Variants in LRRC8D observed in about 807,000 individuals in gnomAD.
The protein encoded by LRRC8D is volume-regulated anion channel subunit LRRC8D.
LRRC8D carries 20 observed loss-of-function variants against 55.8 expected under a neutral mutation model. The observed-to-expected ratio is 0.36, with a 90% CI of 0.25 to 0.52. The LOEUF (loss-of-function observed/expected upper bound fraction) is 0.52. Among genes scored for constraint, LRRC8D ranks in the 20% least tolerant of loss-of-function variants. The pLI is 0.93. For synonymous variants in LRRC8D, 352 were observed against 377.0 expected, an observed-to-expected ratio of 0.93 and a Z score of 0.77; for missense variants, 651 against 1,030.8, an observed-to-expected ratio of 0.63 and a Z score of 5.05.
chr1:89,859,980 G>A (rs917445614), intron 2 of LRRC8D, among the ~76,000 whole-genome samples: 1 of 152,220 alleles, frequency 6.6e-6, no homozygotes, highest in Non-Finnish European at 1.5e-5. Flanking sequence ...ATTTTGGGGG[G>A]CAGTAATAGT....
chr1:89,915,979 C>T (rs1663257094), intron 2 of LRRC8D, among the ~76,000 whole-genome samples: 1 of 152,058 alleles, frequency 6.6e-6, no homozygotes, highest in South Asian at 2.1e-4. Flanking sequence ...AAAAAAGTCT[C>T]ACAAAAAAAG....
intron 2 of LRRC8D, among the ~76,000 whole-genome samples, chr1:89,906,972 T>C (rs376962478): frequency 3.9e-5 from 6 of 152,028 alleles, no homozygotes; most frequent in Admixed American, 1.3e-4. Context: ...AGGCCAAGAA[T>C]CTGAATTTGT....
chr1:89,925,809 C>A (rs1436776157), intron 2 of LRRC8D, among the ~76,000 whole-genome samples: 2 of 152,204 alleles, frequency 1.3e-5, no homozygotes, highest in Non-Finnish European at 2.9e-5. Flanking sequence ...AATGGTATAA[C>A]AGATGCATTA....
At chr1:89,831,395 G>T (rs909872947) in intron 1 of LRRC8D, among the ~76,000 whole-genome samples, 1 of 152,082 alleles carries the variant, frequency 6.6e-6, no homozygotes, top group Non-Finnish European at 1.5e-5. Flanking sequence ...AGGTTGTCTG[G>T]CCTGAGGAGG....
chr1:89,835,352 T>G (rs1660979457), intron 1 of LRRC8D, among the ~76,000 whole-genome samples: 1 of 152,240 alleles, frequency 6.6e-6, no homozygotes, highest in Non-Finnish European at 1.5e-5. Context: ...CATCAAACTT[T>G]GTGGAAGTTC....
intron 2 of LRRC8D, among the ~76,000 whole-genome samples, chr1:89,925,967 C>G (rs1663553860): frequency 6.6e-6 from 1 of 152,216 alleles, no homozygotes; most frequent in Non-Finnish European, 1.5e-5. Context: ...AGGGGTATAC[C>G]AGACCACTAA....
intron 2 of LRRC8D, among the ~76,000 whole-genome samples, chr1:89,857,248 T>C (rs1026095976): frequency 1.3e-5 from 2 of 151,870 alleles, no homozygotes; most frequent in Non-Finnish European, 2.9e-5. Context: ...CCGGGTGTGG[T>C]GGCGCATGCC....
chr1:89,830,685 G>A (rs768907562), intron 1 of LRRC8D, among the ~76,000 whole-genome samples: 2 of 152,102 alleles, frequency 1.3e-5, no homozygotes, highest in African/African-American at 2.4e-5. Context: ...AATGTGGGCC[G>A]GTGTTGCCAG....
Position 89,878,259 on chromosome 1 carries a change from T to C in LRRC8D, c.-3+34477T>C, listed in dbSNP as rs781550520. Among the ~76,000 whole-genome samples, 25 of 152,346 alleles carry C rather than the reference T, an allele frequency of 1.6e-4. 1 individual carries two copies. Among genetic ancestry groups the C allele is most frequent in the African/African-American group, 5.5e-4 (23 of 41,588 alleles). On this transcript the variant is annotated intron_variant, in intron 2 of 2. Transcript: ENST00000337338. The stretch of plus-strand genomic sequence containing the variant: ...AGACAGCAGTGATGTGAAAATACTT[T>C]ATAGTGCCTAGATCTGTTATCCAAG...
At chr1:89,869,683 G>T (rs1244127732) in intron 2 of LRRC8D, among the ~76,000 whole-genome samples, 1 of 152,060 alleles carries the variant, frequency 6.6e-6, no homozygotes, top group Admixed American at 6.5e-5. Context: ...AGAAATGAAG[G>T]AAAAAATGTT....
chr1:89,886,418 T>C (rs1662421030), intron 2 of LRRC8D, among the ~76,000 whole-genome samples: 5 of 152,206 alleles, frequency 3.3e-5, no homozygotes, highest in Admixed American at 3.3e-4. Flanking sequence ...TCTTATACTG[T>C]AGCTTACTCA....
At chr1:89,831,458 G>C (rs1037176816) in intron 1 of LRRC8D, among the ~76,000 whole-genome samples, 1 of 152,044 alleles carries the variant, frequency 6.6e-6, no homozygotes, top group African/African-American at 2.4e-5. Flanking sequence ...GGAGAGGACC[G>C]GTGGGACACA....
At chr1:89,828,789 T>C (rs1297415338) in intron 1 of LRRC8D, among the ~76,000 whole-genome samples, 6 of 152,170 alleles carry the variant, frequency 3.9e-5, no homozygotes, top group Non-Finnish European at 7.3e-5. Flanking sequence ...TTATGCTTGC[T>C]GGTAATAGTT....
intron 1 of LRRC8D, among the ~76,000 whole-genome samples, chr1:89,829,719 G>A (rs1259012499): frequency 6.6e-6 from 1 of 152,206 alleles, no homozygotes; most frequent in African/African-American, 2.4e-5. Flanking sequence ...CCAGGCCAAT[G>A]CTCTTGTCAC....
At chr1:89,876,470 A>G (rs986163373) in intron 2 of LRRC8D, among the ~76,000 whole-genome samples, 1 of 152,232 alleles carries the variant, frequency 6.6e-6, no homozygotes, top group African/African-American at 2.4e-5. Context: ...GTGAGGGGAA[A>G]GAGATGAAGA....
intron 1 of LRRC8D, among the ~76,000 whole-genome samples, chr1:89,827,243 G>A (rs776290391): frequency 2.1e-4 from 32 of 151,826 alleles, no homozygotes; most frequent in Non-Finnish European, 3.7e-4. Flanking sequence ...CCAGCTACTC[G>A]GGAAGTTGAG....
At chr1:89,898,490 G>A (rs1347096411) in intron 2 of LRRC8D, among the ~76,000 whole-genome samples, 1 of 152,190 alleles carries the variant, frequency 6.6e-6, no homozygotes, top group Non-Finnish European at 1.5e-5. Flanking sequence ...ATTTGCTGTG[G>A]ATCACATAGC....
intron 2 of LRRC8D, among the ~76,000 whole-genome samples, chr1:89,881,037 C>G (rs1260138538): frequency 6.6e-6 from 1 of 152,114 alleles, no homozygotes; most frequent in Non-Finnish European, 1.5e-5. Context: ...TTTTTGATGG[C>G]ACTCCATTTC....
At chr1:89,927,576 G>C (rs772182531) in intron 2 of LRRC8D, among the ~76,000 whole-genome samples, 1 of 152,150 alleles carries the variant, frequency 6.6e-6, no homozygotes, top group African/African-American at 2.4e-5. Flanking sequence ...GAATTGCAGG[G>C]TCATAAAGTG....
Sources: gnomAD v4.1 joint callset for allele counts (sites outside exome capture counted in the v4.1 genomes callset) on GRCh38, gnomAD v4.1.1 for gene constraint, MANE v1.5 for transcripts, NCBI Gene and HGNC (gene_info 2026-07-23, HGNC 2026-07-21) for gene names.